FBXW10B: variants seen among roughly 807,000 people sequenced by gnomAD.
FBXW10B encodes F-box and WD repeat domain containing 10B, also known as F-box and WD repeat domain containing protein 10B.
the FBXW10B span, among the ~76,000 whole-genome samples, chr17:15,609,557 C>G: frequency 6.6e-6 from 1 of 150,880 alleles, no homozygotes; most frequent in Non-Finnish European, 1.5e-5. Context: ...TCTGCCACTG[C>G]CCAGCTGTGA....
At chr17:15,617,582 G>A in the FBXW10B span, among the ~76,000 whole-genome samples, 2 of 152,166 alleles carry the variant, frequency 1.3e-5, no homozygotes, top group African/African-American at 4.8e-5. Flanking sequence ...GATTCCTCAT[G>A]AATGGCTTGG....
the FBXW10B span, among the ~76,000 whole-genome samples, chr17:15,576,650 T>C: frequency 1.1e-3 from 164 of 152,328 alleles, no homozygotes; most frequent in African/African-American, 3.6e-3. Context: ...AAATAATACA[T>C]GTCAGCATTA....
At chr17:15,579,414 A>G in the FBXW10B span, among the ~76,000 whole-genome samples, 2 of 152,316 alleles carry the variant, frequency 1.3e-5, no homozygotes, top group South Asian at 4.1e-4. Context: ...AAACTCCTAA[A>G]TAAGATTCTG....
the FBXW10B span, among the ~76,000 whole-genome samples, chr17:15,595,490 C>CT: frequency 2.0e-5 from 3 of 152,170 alleles, no homozygotes; most frequent in Admixed American, 6.5e-5. Flanking sequence ...GGGGCAGACA[C>CT]TACCTTCTTG....
At chr17:15,583,994 G>C in the FBXW10B span, among the ~76,000 whole-genome samples, 1 of 152,168 alleles carries the variant, frequency 6.6e-6, no homozygotes, top group East Asian at 1.9e-4. Context: ...GTGCTGGTGG[G>C]AGTGTAAATT....
At chr17:15,615,841 C>T in the FBXW10B span, 1 of 1,613,690 alleles carries the variant, frequency 6.2e-7, no homozygotes. Flanking sequence ...CAAGGTTGCT[C>T]TTGAAGTGGG....
the FBXW10B span, chr17:15,588,634 C>T: frequency 1.9e-6 from 1 of 539,064 alleles, no homozygotes; most frequent in Non-Finnish European, 3.3e-6. Context: ...TTACTCTTAG[C>T]TAGCAAAATC....
At chr17:15,593,452 C>G in the FBXW10B span, 3 of 1,614,118 alleles carry the variant, frequency 1.9e-6, no homozygotes, top group Admixed American at 5.0e-5. Flanking sequence ...TCTGCACAGG[C>G]GCTGATGACC....
chr17:15,612,705 G>T, the FBXW10B span: 1 of 1,613,884 alleles, frequency 6.2e-7, no homozygotes, highest in Admixed American at 1.7e-5. Context: ...ACCCACCTTC[G>T]TTCTCAACTT....
the FBXW10B span, among the ~76,000 whole-genome samples, chr17:15,591,086 C>T: frequency 6.6e-6 from 1 of 150,474 alleles, no homozygotes; most frequent in East Asian, 1.9e-4. Flanking sequence ...CAGGTTCTTG[C>T]TGAGGGCTAG....
the FBXW10B span, among the ~76,000 whole-genome samples, chr17:15,582,057 T>A: frequency 1.3e-5 from 2 of 151,892 alleles, no homozygotes; most frequent in African/African-American, 4.8e-5. Flanking sequence ...ATTGAATAAA[T>A]TATGAAAGGA....
At chr17:15,601,938 T>C in the FBXW10B span, among the ~76,000 whole-genome samples, 19 of 151,924 alleles carry the variant, frequency 1.3e-4, no homozygotes, top group African/African-American at 2.7e-4. Context: ...CAGAGAAACC[T>C]TGTCTCTACT....
chr17:15,606,346 C>T, the FBXW10B span, among the ~76,000 whole-genome samples: 1 of 143,388 alleles, frequency 7.0e-6, no homozygotes, highest in East Asian at 2.1e-4. Context: ...GACCAGAGAA[C>T]GAAACCCCGT....
At chr17:15,595,705 C>T in the FBXW10B span, among the ~76,000 whole-genome samples, 1 of 152,102 alleles carries the variant, frequency 6.6e-6, no homozygotes, top group Non-Finnish European at 1.5e-5. Flanking sequence ...TGTGTTCCTG[C>T]TGCAAATCAT....
At chr17:15,612,570 G>A in the FBXW10B span, 57 of 1,308,424 alleles carry the variant, frequency 4.4e-5, no homozygotes, top group Non-Finnish European at 5.2e-5. Flanking sequence ...CAGAACTCTC[G>A]TCTTCCTTAA....
chr17:15,576,528 C>T, the FBXW10B span, among the ~76,000 whole-genome samples: 1 of 152,248 alleles, frequency 6.6e-6, no homozygotes, highest in African/African-American at 2.4e-5. Flanking sequence ...GTGAAAGCTT[C>T]CTGCAGGCGG....
the FBXW10B span, chr17:15,594,750 G>A: frequency 1.9e-6 from 3 of 1,613,742 alleles, no homozygotes; most frequent in East Asian, 6.7e-5. Flanking sequence ...GCACCTACTT[G>A]GGATGCTTGA....
At chr17:15,614,092 G>A in the FBXW10B span, 229,479 of 1,267,048 alleles carry the variant, frequency 0.18, 42,737 homozygotes, top group African/African-American at 0.62. Flanking sequence ...ACTCCAGGCC[G>A]AGAACAAGTC....
At chr17:15,590,892 A>G in the FBXW10B span, among the ~76,000 whole-genome samples, 1 of 152,216 alleles carries the variant, frequency 6.6e-6, no homozygotes, top group Non-Finnish European at 1.5e-5. Flanking sequence ...ACCCTATTCA[A>G]CTTCCTCAAA....
Sources: gnomAD v4.1 joint callset for allele counts (sites outside exome capture counted in the v4.1 genomes callset) on GRCh38, gnomAD v4.1.1 for gene constraint, MANE v1.5 for transcripts, NCBI Gene and HGNC (gene_info 2026-07-23, HGNC 2026-07-21) for gene names.